Variants in PTK2 observed in about 807,000 individuals in gnomAD.
The protein encoded by PTK2 is protein tyrosine kinase 2.
Under a neutral mutation model 150.1 loss-of-function variants are expected in PTK2, and 45 were observed. The observed-to-expected ratio is 0.30, with a 90% confidence interval of 0.24 to 0.38. The LOEUF (loss-of-function observed/expected upper bound fraction) is 0.38. Among genes scored for constraint, PTK2 ranks in the 10% least tolerant of loss-of-function variants. PTK2 has a pLI of 1.00. For missense variants in PTK2, 919 were observed against 1,307.3 expected, an observed-to-expected ratio of 0.70 and a Z score of 4.58; for synonymous variants, 432 against 449.2, an observed-to-expected ratio of 0.96 and a Z score of 0.48.
rs1181421194 is a variant in PTK2 at position 140,693,564 on chromosome 8, T to TTAAAAA, written c.2500-6871_2500-6870insTTTTTA. Among the ~76,000 whole-genome samples the TTAAAAA allele has an allele frequency of 1.4e-4, 10 of 72,458 alleles. 3 individuals are homozygous for TTAAAAA. The highest frequency in any genetic ancestry group is 5.4e-4 in the African/African-American group (9 of 16,654). 47.5% of individuals were successfully genotyped at this position (72,458 alleles called of 152,430 possible). ...CCACAGAGTGAGACTTTGTCTCAATTAAAAAAAAAAAAAAAAAAAAAAAAA... is the reference window on the plus strand; with the variant it reads ...CCACAGAGTGAGACTTTGTCTCAATTTAAAAAAAAAAAAAAAAAAAAAAAAAAAAAA... On this transcript the variant is annotated intron_variant, in intron 26 of 31. Transcript: ENST00000522684.
chr8:140,727,172 G>A (rs1248235780), intron 22 of PTK2, among the ~76,000 whole-genome samples: 4 of 152,192 alleles, frequency 2.6e-5, no homozygotes, highest in African/African-American at 9.7e-5. Flanking sequence ...GTGCCAAATT[G>A]TGCACTTTGG....
chr8:140,738,640 C>T (rs2100053927), intron 21 of PTK2, among the ~76,000 whole-genome samples: 1 of 151,934 alleles, frequency 6.6e-6, no homozygotes, highest in Non-Finnish European at 1.5e-5. Context: ...GTTGGAGGGG[C>T]CAAGTGTTTA....
intron 2 of PTK2, among the ~76,000 whole-genome samples, chr8:140,892,294 G>C (rs902019211): frequency 1.3e-5 from 2 of 152,146 alleles, no homozygotes; most frequent in African/African-American, 4.8e-5. Context: ...CAACACTTTG[G>C]GAGGCTGAGG....
exon 16 of PTK2, chr8:140,761,166 G>A: frequency 1.3e-6 from 2 of 1,594,558 alleles, no homozygotes; most frequent in Non-Finnish European, 1.7e-6. Flanking sequence ...AAGACTTACT[G>A]GACTCATATA....
intron 1 of PTK2, among the ~76,000 whole-genome samples, chr8:140,989,545 A>G (rs1354252896): frequency 1.3e-5 from 2 of 150,598 alleles, no homozygotes; most frequent in African/African-American, 5.0e-5. Flanking sequence ...AAAAAAAAAG[A>G]AGACCTAATA....
intron 14 of PTK2, among the ~76,000 whole-genome samples, chr8:140,781,651 C>G (rs1460924870): frequency 1.3e-5 from 2 of 152,198 alleles, no homozygotes; most frequent in East Asian, 3.8e-4. Flanking sequence ...GAAAGTGCCT[C>G]AGGCTACCCC....
chr8:140,743,918 C>T (rs1370826810), intron 19 of PTK2, among the ~76,000 whole-genome samples: 1 of 151,770 alleles, frequency 6.6e-6, no homozygotes, highest in Non-Finnish European at 1.5e-5. Context: ...GCTGGGACTA[C>T]AGGCGCCCGC....
chr8:140,698,930 T>G (rs186666098), intron 26 of PTK2, among the ~76,000 whole-genome samples: 11 of 146,894 alleles, frequency 7.5e-5, no homozygotes, highest in Non-Finnish European at 1.1e-4. Flanking sequence ...TTGTATTTTT[T>G]TTTTTTTTTT....
At chr8:140,994,072 G>A (rs181364440) in intron 1 of PTK2, among the ~76,000 whole-genome samples, 97 of 152,272 alleles carry the variant, frequency 6.4e-4, no homozygotes, top group Admixed American at 5.6e-3. Context: ...TGAAAAAAGT[G>A]AATTTATAGT....
intron 26 of PTK2, among the ~76,000 whole-genome samples, chr8:140,693,624 A>ATG (rs200978510): frequency 0.017 from 2,428 of 142,330 alleles, 80 homozygotes; most frequent in African/African-American, 0.059. Flanking sequence ...TATAGTACAG[A>ATG]GTATCTGCTG....
chr8:140,887,567 T>C (rs1444207415), intron 3 of PTK2, among the ~76,000 whole-genome samples: 2 of 152,034 alleles, frequency 1.3e-5, no homozygotes, highest in Non-Finnish European at 2.9e-5. Flanking sequence ...ATCTTTAAAC[T>C]CCTCAAAAAG....
intron 2 of PTK2, among the ~76,000 whole-genome samples, chr8:140,920,217 A>G (rs1640973818): frequency 6.6e-6 from 1 of 152,278 alleles, no homozygotes; most frequent in Middle Eastern, 3.4e-3. Flanking sequence ...ATTACATAGC[A>G]TTTTTAACTT....
chr8:140,800,514 C>A, exon 12 of PTK2: 1 of 1,613,896 alleles, frequency 6.2e-7, no homozygotes, highest in South Asian at 1.1e-5. Context: ...GCCGGCAGTA[C>A]CCATCTATTA....
intron 1 of PTK2, among the ~76,000 whole-genome samples, chr8:140,959,538 CAA>C (rs34010616): frequency 1.3e-3 from 108 of 85,028 alleles, no homozygotes; most frequent in South Asian, 5.0e-3. Context: ...GACTCTGTCT[CAA>C]AAAAAAAAAA....
intron 26 of PTK2, among the ~76,000 whole-genome samples, chr8:140,700,014 G>A (rs2100029294): frequency 6.6e-6 from 1 of 152,146 alleles, no homozygotes; most frequent in Non-Finnish European, 1.5e-5. Flanking sequence ...AACCTGAACC[G>A]ATGAAGCATC....
chr8:140,894,498 T>TA (rs2100155368), intron 2 of PTK2, among the ~76,000 whole-genome samples: 1 of 152,264 alleles, frequency 6.6e-6, no homozygotes, highest in South Asian at 2.1e-4. Context: ...GGGAGACTAA[T>TA]AGAGTAAACT....
chr8:140,726,506 T>C (rs1040427782), intron 22 of PTK2, among the ~76,000 whole-genome samples: 9 of 152,076 alleles, frequency 5.9e-5, no homozygotes, highest in African/African-American at 1.9e-4. Flanking sequence ...TCATGGAAGC[T>C]GCCAGAGAAA....
chr8:140,886,362 C>T (rs938408968), intron 3 of PTK2, among the ~76,000 whole-genome samples: 2 of 152,072 alleles, frequency 1.3e-5, no homozygotes, highest in Admixed American at 1.3e-4. Flanking sequence ...AAATGGTTGT[C>T]TAGGAGAGAA....
chr8:140,729,284 C>T (rs1165536102), intron 22 of PTK2, among the ~76,000 whole-genome samples: 2 of 152,124 alleles, frequency 1.3e-5, no homozygotes, highest in East Asian at 1.9e-4. Flanking sequence ...CTCCCAACAC[C>T]CCCCAGCTGG....
Sources: gnomAD v4.1 joint callset for allele counts (sites outside exome capture counted in the v4.1 genomes callset) on GRCh38, gnomAD v4.1.1 for gene constraint, MANE v1.5 for transcripts, NCBI Gene and HGNC (gene_info 2026-07-23, HGNC 2026-07-21) for gene names.